Variants in P2RY2 observed in about 807,000 individuals in gnomAD.
P2RY2 encodes the protein P2Y purinoceptor 2.
For missense variants in P2RY2, 567 were observed against 515.7 expected, an observed-to-expected ratio of 1.10 and a Z score of -0.96; for synonymous variants, 241 against 231.9, an observed-to-expected ratio of 1.04 and a Z score of -0.35.
chr11:73,223,708 T>C (rs115462262), intron 1 of P2RY2, among the ~76,000 whole-genome samples: 580 of 152,194 alleles, frequency 3.8e-3, no homozygotes, highest in African/African-American at 0.013. Context: ...CTGTGATAGG[T>C]TGGGGTGGTG....
intron 1 of P2RY2, among the ~76,000 whole-genome samples, chr11:73,226,003 CA>C (rs1862266514): frequency 6.6e-6 from 1 of 152,174 alleles, no homozygotes; most frequent in Non-Finnish European, 1.5e-5. Context: ...TACATGACTG[CA>C]GTGTGAAAGG....
intron 1 of P2RY2, among the ~76,000 whole-genome samples, chr11:73,222,287 G>A (rs1862141199): frequency 1.3e-5 from 2 of 152,084 alleles, no homozygotes; most frequent in African/African-American, 4.8e-5. Flanking sequence ...GCTTGTAGGA[G>A]GGGGACTCTT....
rs1240947673 is a variant in P2RY2 at position 73,241,677 on chromosome 11, A to C, written c.*6384A>C. ...CTTCCCCCATGCTGTGAGGACCTTC[A>C]TCACTCCTCTTCTGGGTCCCTCTCT... On this transcript the variant is annotated 3_prime_UTR_variant, in exon 3 of 3. Transcript: ENST00000393597. 1 of 152,142 alleles carries C rather than the reference A, an allele frequency of 6.6e-6. No homozygotes were observed. Among genetic ancestry groups the C allele is most frequent in the African/African-American group, 2.4e-5 (1 of 41,428 alleles). The allele number at this position is 152,142 out of a possible 1,614,324, so 9.4% of individuals were successfully genotyped here. A position where few individuals can be genotyped will look rare whatever the true frequency, so the allele number is the denominator to read the frequency against.
intron 1 of P2RY2, among the ~76,000 whole-genome samples, chr11:73,221,207 C>T (rs1862105695): frequency 1.3e-5 from 2 of 152,144 alleles, no homozygotes; most frequent in South Asian, 2.1e-4. Flanking sequence ...TGCCTTCCTC[C>T]CCCACCCCCT....
intron 1 of P2RY2, among the ~76,000 whole-genome samples, chr11:73,225,754 G>A (rs1565136896): frequency 7.1e-6 from 1 of 140,542 alleles, no homozygotes; most frequent in Non-Finnish European, 1.6e-5. Flanking sequence ...TGATATAGGT[G>A]TTAGATGATA....
rs1308252572 is a variant in P2RY2 at position 73,239,123 on chromosome 11, C to T, written c.*3830C>T. ...AGCATTTATATGCCTGGCACCAGGC[C>T]GGGGGCTATGGAGGCAAATCAGCTG... On this transcript the variant is annotated 3_prime_UTR_variant, in exon 3 of 3. Coordinates refer to ENST00000393597, the MANE Select transcript of P2RY2 (RefSeq NM_002564.4). 3 of 152,238 alleles carry T rather than the reference C, an allele frequency of 2.0e-5. No individual in the cohort carries two copies. The highest frequency in any genetic ancestry group is 4.4e-5 in the Non-Finnish European group (3 of 68,066). The allele number at this position is 152,238 out of a possible 1,614,324, so 9.4% of individuals were successfully genotyped here. A position where few individuals can be genotyped will look rare whatever the true frequency, so the allele number is the denominator to read the frequency against.
intron 1 of P2RY2, among the ~76,000 whole-genome samples, chr11:73,219,518 C>A (rs1323217474): frequency 6.6e-6 from 1 of 152,150 alleles, no homozygotes; most frequent in African/African-American, 2.4e-5. Flanking sequence ...GCACCAGTGT[C>A]CCCCCATGGG....
chr11:73,231,881 C>T (rs986557402), intron 2 of P2RY2, among the ~76,000 whole-genome samples: 2 of 152,046 alleles, frequency 1.3e-5, no homozygotes, highest in Admixed American at 6.6e-5. Context: ...GAAACCCCAT[C>T]TCTACTAAAA....
At position 73,236,704 on chromosome 11, in the gene P2RY2, T is replaced by A. The variant is rs1862662018; in HGVS notation, c.*1411T>A. 3 of 985,230 alleles carry A rather than the reference T, an allele frequency of 3.0e-6. No individual in the cohort carries two copies. Among genetic ancestry groups the A allele is most frequent in the Non-Finnish European group, 3.6e-6 (3 of 829,880 alleles). The allele number at this position is 985,230 out of a possible 1,614,324, so 61.0% of individuals were successfully genotyped here. A position where few individuals can be genotyped will look rare whatever the true frequency, so the allele number is the denominator to read the frequency against. On this transcript the variant is annotated 3_prime_UTR_variant, in exon 3 of 3. Transcript: ENST00000393597. ...AGGCTTCCTTTGCACTGGGGGTAAATATGAAAGAGATTCACTCCTCCTCCT... is the reference window on the plus strand; with the variant it reads ...AGGCTTCCTTTGCACTGGGGGTAAAAATGAAAGAGATTCACTCCTCCTCCT...
chr11:73,234,822 G>A lies in P2RY2; in HGVS notation c.663G>A (p.Met221Ile). 1 of 1,611,550 alleles carries A rather than the reference G, an allele frequency of 6.2e-7. No homozygotes were observed. The highest frequency in any genetic ancestry group is 1.1e-5 in the South Asian group (1 of 91,092). Residue 221 changes from methionine to isoleucine, a missense_variant, in exon 3 of 3, where the codon ATG (methionine) becomes ATA (isoleucine). By Grantham distance (10) the Met-to-Ile change is conservative. Transcript: ENST00000393597. ...TCATCCTTGTCTGTTACGTGCTCAT[G>A]GCTCGGCGACTGCTAAAGCCAGCCT... is the stretch of plus-strand genomic sequence containing the variant. The part of the protein sequence containing the change: ...FAVILVCYVL[M>I]ARRLLKPAYG...
intron 1 of P2RY2, 131 bp downstream of exon 1, chr11:73,218,563 C>T: frequency 6.6e-6 from 1 of 152,470 alleles, no homozygotes; most frequent in Non-Finnish European, 1.5e-5. Flanking sequence ...CCCCGGGGCA[C>T]AGTTGCGAGC....
chr11:73,235,009 A>C lies in P2RY2; in HGVS notation c.850A>C (p.Ile284Leu). 4 of 1,609,022 alleles carry C rather than the reference A, an allele frequency of 2.5e-6. No homozygotes were observed. The highest frequency in any genetic ancestry group is 3.4e-6 in the Non-Finnish European group (4 of 1,179,964). Residue 284 changes from isoleucine to leucine, a missense_variant, in exon 3 of 3, where the codon ATC becomes CTC. Physicochemically the swap from Ile to Leu is conservative, Grantham distance 5. Coordinates refer to ENST00000393597, the MANE Select transcript of P2RY2 (RefSeq NM_002564.4). ...LDLSCHTLNA[I>L]NMAYKVTRPL... Reference sequence around the variant, plus strand: ...CCTCAGCTGCCACACCCTCAACGCCATCAACATGGCCTACAAGGTTACCCG... The same window carrying C: ...CCTCAGCTGCCACACCCTCAACGCCCTCAACATGGCCTACAAGGTTACCCG...
In P2RY2 at chr11:73,238,583, CG is replaced by C. The variant is rs1231053576; in HGVS notation, c.*3291del. Among the ~76,000 whole-genome samples the C allele has an allele frequency of 3.3e-5, 5 of 152,182 alleles. No homozygotes were observed. The highest frequency in any genetic ancestry group is 1.2e-4 in the African/African-American group (5 of 41,446). On this transcript the variant is annotated 3_prime_UTR_variant, in exon 3 of 3. Coordinates refer to ENST00000393597, the MANE Select transcript of P2RY2 (RefSeq NM_002564.4). ...AATCAGGCACATGAGGGAGGGAAGT[CG>C]TGTATTGACCCATGTCCCACGCACC...
In P2RY2 at chr11:73,234,906, G is replaced by A. The variant is rs779263297; in HGVS notation, c.747G>A (p.Val249=). Residue 249 remains valine, a synonymous_variant, in exon 3 of 3, where the codon GTG becomes GTA. Transcript: ENST00000393597. ...AKRKSVRTIA[V]VLAVFALCFL... is the part of the protein sequence containing the mutation. ...GCAAGTCCGTGCGCACCATCGCCGT[G>A]GTGCTGGCTGTCTTCGCCCTCTGCT... 6.2e-7 allele frequency: 1 copy of A among 1,610,944 alleles called. No individual in the cohort carries two copies. Among genetic ancestry groups the A allele is most frequent in the South Asian group, 1.1e-5 (1 of 91,084 alleles).
Position 73,236,924 on chromosome 11 carries a change from C to T in P2RY2, c.*1631C>T. 1 of 985,124 alleles carries T rather than the reference C, an allele frequency of 1.0e-6. No individual in the cohort carries two copies. Among genetic ancestry groups the T allele is most frequent in the Non-Finnish European group, 1.2e-6 (1 of 829,698 alleles). 61.0% of individuals were successfully genotyped at this position (985,124 alleles called of 1,614,324 possible). A position where few individuals can be genotyped will look rare whatever the true frequency, so the allele number is the denominator to read the frequency against. ...TTGGAAAGGGACAGGGCAAAGCTGA[C>T]AGGCCTCACTCTTGATCTCAAGGAC... On this transcript the variant is annotated 3_prime_UTR_variant, in exon 3 of 3. Transcript: ENST00000393597.
chr11:73,225,794 C>A (rs1290125933), intron 1 of P2RY2, among the ~76,000 whole-genome samples: 2 of 152,132 alleles, frequency 1.3e-5, no homozygotes, highest in Middle Eastern at 3.2e-3. Context: ...AATGATATGA[C>A]CATGGGACTG....
intron 1 of P2RY2, among the ~76,000 whole-genome samples, chr11:73,225,678 C>T (rs1044698364): frequency 4.2e-5 from 4 of 95,246 alleles, no homozygotes; most frequent in African/African-American, 1.4e-4. Flanking sequence ...CAGGATTCAA[C>T]GAGAGGAGGT....
intron 2 of P2RY2, among the ~76,000 whole-genome samples, chr11:73,233,354 T>C (rs1862514998): frequency 6.6e-6 from 1 of 152,208 alleles, no homozygotes; most frequent in Admixed American, 6.5e-5. Context: ...ACACTAGGCA[T>C]GGGCCCAGAG....
intron 1 of P2RY2, among the ~76,000 whole-genome samples, chr11:73,222,318 G>A (rs1259683548): frequency 6.6e-6 from 1 of 152,048 alleles, no homozygotes; most frequent in Non-Finnish European, 1.5e-5. Context: ...GGCTGTTGCA[G>A]GAAATCCAGG....
Sources: allele counts gnomAD v4.1 joint callset (sites outside exome capture counted in the v4.1 genomes callset), GRCh38; gene constraint gnomAD v4.1.1; transcripts MANE v1.5; gene names NCBI Gene and HGNC (gene_info 2026-07-23, HGNC 2026-07-21).